The following GRB14 variants were observed in gnomAD, a reference collection of about 807,000 sequenced individuals.
GRB14 encodes the protein growth factor receptor bound protein 14.
In GRB14, 38 loss-of-function variants were observed where a neutral mutation model predicts 69.1. The observed-to-expected ratio is 0.55, with a 90% confidence interval of 0.42 to 0.72. The LOEUF is 0.72. Among genes scored for constraint, GRB14 ranks in the 30% least tolerant of loss-of-function variants. The pLI, the probability that GRB14 is intolerant of heterozygous loss-of-function variation, is 0.00. For synonymous variants in GRB14, 247 were observed against 241.3 expected, an observed-to-expected ratio of 1.02 and a Z score of -0.22; for missense variants, 666 against 666.1, an observed-to-expected ratio of 1.00 and a Z score of 0.00.
intron 2 of GRB14, among the ~76,000 whole-genome samples, chr2:164,565,999 G>A (rs1025258670): frequency 1.3e-5 from 2 of 152,218 alleles, no homozygotes; most frequent in Non-Finnish European, 2.9e-5. Context: ...TTTTCAGAAT[G>A]CTCTCAGCCT....
At chr2:164,620,541 G>A (rs1431041585) in intron 1 of GRB14, among the ~76,000 whole-genome samples, 2 of 152,096 alleles carry the variant, frequency 1.3e-5, no homozygotes, top group South Asian at 2.1e-4. Context: ...ACATTTAAAT[G>A]TATGAATATA....
chr2:164,527,420 T>C lies in GRB14; in HGVS notation c.482-285A>G, dbSNP rs75554744. Among the ~76,000 whole-genome samples the C allele has an allele frequency of 5.8e-4, 88 of 151,812 alleles. 2 individuals carry two copies. In the East Asian group the frequency reaches 0.015, roughly 26 times the overall value. ...AAATATCATAATGTACTTTTTGTTATCTCAATTTCCTTTTATTACTGTGTA... is the reference window on the plus strand; with the variant it reads ...AAATATCATAATGTACTTTTTGTTACCTCAATTTCCTTTTATTACTGTGTA... On this transcript the variant is annotated intron_variant, in intron 3 of 13. Transcript: ENST00000263915.
At chr2:164,593,498 T>C (rs1689714933) in intron 2 of GRB14, among the ~76,000 whole-genome samples, 1 of 152,162 alleles carries the variant, frequency 6.6e-6, no homozygotes, top group South Asian at 2.1e-4. Context: ...ATTTCTGAGT[T>C]GTAAACTTAA....
At chr2:164,533,675 A>G (rs1011272882) in intron 3 of GRB14, among the ~76,000 whole-genome samples, 2 of 152,214 alleles carry the variant, frequency 1.3e-5, no homozygotes, top group Admixed American at 1.3e-4. Flanking sequence ...CTGCATCAAA[A>G]AAGAAAATAA....
At chr2:164,512,265 C>G (rs1687359211) in intron 6 of GRB14, among the ~76,000 whole-genome samples, 1 of 152,166 alleles carries the variant, frequency 6.6e-6, no homozygotes, top group Non-Finnish European at 1.5e-5. Flanking sequence ...CTCCTAGGTT[C>G]AAGTGATTCT....
intron 2 of GRB14, among the ~76,000 whole-genome samples, chr2:164,555,658 TATC>T (rs1688660740): frequency 6.7e-6 from 1 of 150,324 alleles, no homozygotes; most frequent in South Asian, 2.1e-4. Flanking sequence ...TTATTTTAAA[TATC>T]ATATTTAAAT....
chr2:164,577,117 A>C (rs892434105), intron 2 of GRB14, among the ~76,000 whole-genome samples: 12 of 152,248 alleles, frequency 7.9e-5, no homozygotes, highest in Admixed American at 7.9e-4. Flanking sequence ...ACAGTTGTCA[A>C]AGAGATACTG....
chr2:164,497,277 CT>C lies in GRB14; in HGVS notation c.1227del (p.Gly410AspfsTer43). On this transcript the variant is annotated frameshift_variant, in exon 11 of 14. Transcript: ENST00000263915. LOFTEE classifies it high-confidence loss of function. ...AVEEGLAWRKKGCLRLGTHGS... is the reference protein window; with the variant it reads ...AVEEGLAWRKXGCLRLGTHGS... ...CCGTGAGTGCCCAGGCGTAAACATC[CT>C]TTTTTCTGAGCAAGGAAGGAGAAAA... 3 of 1,612,640 alleles carry C rather than the reference CT, an allele frequency of 1.9e-6. No individual in the cohort carries two copies. Among genetic ancestry groups the C allele is most frequent in the East Asian group, 2.2e-5 (1 of 44,858 alleles).
chr2:164,573,935 C>G, intron 2 of GRB14: 1 of 1,612,682 alleles, frequency 6.2e-7, no homozygotes, highest in Non-Finnish European at 8.5e-7. Flanking sequence ...TGCAGTCTCA[C>G]CCTATCAGCA....
intron 2 of GRB14, among the ~76,000 whole-genome samples, chr2:164,559,858 T>C (rs1688776978): frequency 6.6e-6 from 1 of 152,198 alleles, no homozygotes; most frequent in South Asian, 2.1e-4. Flanking sequence ...TAAAGGAATC[T>C]CCATACTGTT....
chr2:164,591,155 A>T (rs1185256602), intron 2 of GRB14, among the ~76,000 whole-genome samples: 2 of 152,238 alleles, frequency 1.3e-5, no homozygotes, highest in Non-Finnish European at 2.9e-5. Flanking sequence ...ATACTCTTCC[A>T]CATCAATCAT....
chr2:164,531,903 A>G lies in GRB14; in HGVS notation c.482-4768T>C, dbSNP rs543759662. 1.0e-3 allele frequency among the ~76,000 whole-genome samples: 155 copies of G among 152,342 alleles called. 1 individual carries two copies. The highest frequency in any genetic ancestry group is 3.4e-3 in the African/African-American group (143 of 41,590). On this transcript the variant is annotated intron_variant, in intron 3 of 13. Transcript: ENST00000263915. The stretch of plus-strand genomic sequence containing the variant: ...CCTTCACCAAGCATGACAGAGAAGC[A>G]ATAGCTAAGTACAATGTCAAGTCCA...
At chr2:164,578,282 C>T (rs941376286) in intron 2 of GRB14, among the ~76,000 whole-genome samples, 2 of 151,914 alleles carry the variant, frequency 1.3e-5, no homozygotes, top group Admixed American at 6.6e-5. Flanking sequence ...TATGAAAAGT[C>T]TTCCAAAGTA....
rs1357267008 is a variant in GRB14 at position 164,492,508 on chromosome 2, TATG to T, written c.*525_*527del. Among the ~76,000 whole-genome samples the T allele has an allele frequency of 4.6e-5, 7 of 152,108 alleles. No individual in the cohort carries two copies. Among genetic ancestry groups the T allele is most frequent in the Admixed American group, 4.6e-4 (7 of 15,280 alleles). On this transcript the variant is annotated 3_prime_UTR_variant, in exon 14 of 14. Coordinates refer to ENST00000263915, the MANE Select transcript of GRB14 (RefSeq NM_004490.3). The stretch of plus-strand genomic sequence containing the variant: ...ATGGTTTAAAGCTACTATCTCAAAA[TATG>T]ATTTCATTTTAAGATGATCATAAAC...
At chr2:164,584,544 A>G (rs922375786) in intron 2 of GRB14, among the ~76,000 whole-genome samples, 2 of 152,092 alleles carry the variant, frequency 1.3e-5, no homozygotes, top group African/African-American at 4.8e-5. Context: ...AAATATTTAA[A>G]TATTTAGGAG....
chr2:164,520,397 A>G (rs1475413203), intron 6 of GRB14, among the ~76,000 whole-genome samples: 2 of 152,186 alleles, frequency 1.3e-5, no homozygotes, highest in Non-Finnish European at 2.9e-5. Flanking sequence ...TGAAGCCACA[A>G]AAGTTTCTAG....
Position 164,531,331 on chromosome 2 carries a change from C to G in GRB14, c.482-4196G>C, listed in dbSNP as rs139541498. ...ATTATTAAATGCACTATGTGCTAAG[C>G]ACGGTATCTGTATTCTTTGCAACTG... On this transcript the variant is annotated intron_variant, in intron 3 of 13. Transcript: ENST00000263915. Among the ~76,000 whole-genome samples, 451 of 152,336 alleles carry G rather than the reference C, an allele frequency of 3.0e-3. 1 individual carries two copies. The highest frequency in any genetic ancestry group is 0.01 in the African/African-American group (432 of 41,582).
intron 2 of GRB14, chr2:164,568,448 C>T: frequency 8.2e-7 from 1 of 1,226,000 alleles, no homozygotes. Context: ...TATGGTTACT[C>T]CTTGGGAATC....
intron 2 of GRB14, among the ~76,000 whole-genome samples, chr2:164,553,763 G>A (rs973531988): frequency 2.0e-5 from 3 of 152,192 alleles, no homozygotes; most frequent in South Asian, 2.1e-4. Context: ...TCAGGAGTTC[G>A]AGACCAGCTT....
Sources: gnomAD v4.1 joint callset for allele counts (sites outside exome capture counted in the v4.1 genomes callset) on GRCh38, gnomAD v4.1.1 for gene constraint, MANE v1.5 for transcripts, NCBI Gene and HGNC (gene_info 2026-07-23, HGNC 2026-07-21) for gene names.